Variants in ZMYM5 observed in about 807,000 individuals in gnomAD.
The protein encoded by ZMYM5 is zinc finger MYM-type containing 5, also known as zinc finger MYM-type protein 5.
Under a neutral mutation model 61.8 loss-of-function variants are expected in ZMYM5, and 41 were observed. The observed-to-expected ratio is 0.66, with a 90% CI of 0.52 to 0.86. The LOEUF is 0.86. Among genes scored for constraint, ZMYM5 ranks in the 40% least tolerant of loss-of-function variants. The pLI, the probability that ZMYM5 is intolerant of heterozygous loss-of-function variation, is 0.00. For synonymous variants in ZMYM5, 257 were observed against 276.4 expected (o/e 0.93, Z 0.70); for missense variants, 706 against 786.7 (o/e 0.90, Z 1.23).
At chr13:19,847,757 C>G (rs1953130308) in intron 4 of ZMYM5, among the ~76,000 whole-genome samples, 2 of 148,444 alleles carry the variant, frequency 1.3e-5, no homozygotes, top group Admixed American at 6.7e-5. Context: ...CTGCCTCAGC[C>G]TCCCGAGTAG....
intron 7 of ZMYM5, among the ~76,000 whole-genome samples, chr13:19,830,255 A>T (rs1891135113): frequency 6.6e-6 from 1 of 152,216 alleles, no homozygotes; most frequent in African/African-American, 2.4e-5. Flanking sequence ...CCTTTTCAGA[A>T]GGCTGTCACT....
intron 4 of ZMYM5, among the ~76,000 whole-genome samples, chr13:19,845,376 G>A (rs1473500347): frequency 1.3e-5 from 2 of 152,142 alleles, no homozygotes; most frequent in Non-Finnish European, 2.9e-5. Context: ...CAAAACCTCT[G>A]GCAATGGCAC....
At chr13:19,838,653 C>T (rs755694192) in intron 5 of ZMYM5, 47 bp downstream of exon 5, 2 of 1,589,126 alleles carry the variant, frequency 1.3e-6, no homozygotes, top group Non-Finnish European at 1.7e-6. Flanking sequence ...CTTATTTATA[C>T]CATTAGTATT....
rs575802728 is a variant in ZMYM5, at chr13:19,847,213, T to C, written c.586+4142A>G. Among the ~76,000 whole-genome samples, 10 of 152,274 alleles carry C rather than the reference T, an allele frequency of 6.6e-5. No individual in the cohort carries two copies. The East Asian group carries it at 1.2e-3, about 18-fold the overall frequency. On this transcript the variant is annotated intron_variant, in intron 4 of 7. Coordinates refer to ENST00000337963, the MANE Select transcript of ZMYM5 (RefSeq NM_001142684.2). The stretch of plus-strand genomic sequence containing the variant: ...ATCCGCCTGCCTTGGCCTCAAAAAG[T>C]GCTGGGATTATAGGCATGAGCCACT...
intron 4 of ZMYM5, among the ~76,000 whole-genome samples, chr13:19,849,976 C>CA (rs566519438): frequency 7.0e-4 from 90 of 128,228 alleles, no homozygotes; most frequent in South Asian, 7.6e-4. Context: ...GACTCTGTCT[C>CA]AAAAAAAAAA....
chr13:19,860,101 CAAAAAAAA>C (rs537760988), intron 2 of ZMYM5, among the ~76,000 whole-genome samples: 3 of 31,324 alleles, frequency 9.6e-5, no homozygotes, highest in Admixed American at 3.9e-4. Flanking sequence ...AAGACTGTCT[CAAAAAAAA>C]AAAAAAAAAA....
rs1296305326 is a variant in ZMYM5 at position 19,851,425 on chromosome 13, A to T, written c.516T>A (p.Phe172Leu). The change falls in exon 4 of 8, where the codon TTT becomes TTA. Residue 172 changes from phenylalanine (F) to leucine (L), a missense_variant. Physicochemically the swap from Phe to Leu is conservative, Grantham distance 22. Around this residue, in one of 2 missense-constraint regions of ZMYM5, gnomAD observed 480 missense variants for 461.7 expected, o/e 1.04. Coordinates refer to ENST00000337963, the MANE Select transcript of ZMYM5 (RefSeq NM_001142684.2). ...CTGCCACATTCATTCTACCAGGGTT[A>T]AAAGGTCTTACTCCAGTCTTGGTCT... ...RSKTKTGVRP[F>L]NPGRMNVAGD... is the part of the protein sequence containing the mutation. 1 of 1,614,026 alleles carries T rather than the reference A, an allele frequency of 6.2e-7. No individual in the cohort carries two copies. The highest frequency in any genetic ancestry group is 8.5e-7 in the Non-Finnish European group (1 of 1,180,016).
rs2138522287 is a variant in ZMYM5, at chr13:19,837,746, T to C, written c.948A>G (p.Thr316=). ...TGTTTTCACAGGGAGACAAACAAGA[T>C]GTACTATAAAATTCTTGGAAGGATT... The part of the protein sequence containing the change: ...SSKSFQEFYS[T]SCLSPCENNW... Residue 316 remains threonine (T), a synonymous_variant, in exon 6 of 8, where the codon ACA becomes ACG. Transcript: ENST00000337963. 6.3e-7 allele frequency: 1 copy of C among 1,587,412 alleles called. No homozygotes were observed. Among genetic ancestry groups the C allele is most frequent in the Middle Eastern group, 1.7e-4 (1 of 5,952 alleles).
rs1952764730 is a variant in ZMYM5 at position 19,838,888 on chromosome 13, G to C, written c.684C>G (p.Phe228Leu). ...SPVALLRKQN[F>L]QPTAQQQLTK... ...TAAGTTGTTGTTGGGCTGTAGGCTG[G>C]AAATTCTGCTTACGAAGTAAGGCCA... Residue 228 changes from phenylalanine to leucine, a missense_variant, in exon 5 of 8, where the codon TTC (phenylalanine) becomes TTG (leucine). Phe to Leu is a conservative substitution (Grantham distance 22). Coordinates refer to ENST00000337963, the MANE Select transcript of ZMYM5 (RefSeq NM_001142684.2). 6.2e-7 allele frequency: 1 copy of C among 1,614,138 alleles called. No homozygotes were observed. Among genetic ancestry groups the C allele is most frequent in the Non-Finnish European group, 8.5e-7 (1 of 1,180,034 alleles).
chr13:19,848,865 C>T lies in ZMYM5; in HGVS notation c.586+2490G>A, dbSNP rs181220166. 3.5e-3 allele frequency among the ~76,000 whole-genome samples: 534 copies of T among 152,100 alleles called. 3 individuals carry two copies. The highest frequency in any genetic ancestry group is 5.0e-3 in the Non-Finnish European group (341 of 67,998). ...TCAGCCTCTTGAATAGCTGGGACTA[C>T]AGGTGCACGCCACTATACCTGGCTA... is the stretch of plus-strand genomic sequence containing the variant. On this transcript the variant is annotated intron_variant, in intron 4 of 7. Coordinates refer to ENST00000337963, the MANE Select transcript of ZMYM5 (RefSeq NM_001142684.2).
At chr13:19,857,465 A>G (rs1953556577) in intron 2 of ZMYM5, among the ~76,000 whole-genome samples, 1 of 152,218 alleles carries the variant, frequency 6.6e-6, no homozygotes, top group African/African-American at 2.4e-5. Flanking sequence ...ACCTATTTAA[A>G]ATCAGATATA....
chr13:19,857,839 G>C (rs1359977418), intron 2 of ZMYM5, among the ~76,000 whole-genome samples: 2 of 151,244 alleles, frequency 1.3e-5, no homozygotes, highest in East Asian at 3.9e-4. Flanking sequence ...GCAATGCAGA[G>C]AGACCCCTCT....
At chr13:19,830,021 G>C (rs1283534484) in intron 7 of ZMYM5, among the ~76,000 whole-genome samples, 3 of 152,094 alleles carry the variant, frequency 2.0e-5, no homozygotes, top group Admixed American at 1.3e-4. Context: ...CACTGCAGAT[G>C]TTTAGCAGCA....
At chr13:19,826,681 G>A (rs1890932103) in intron 7 of ZMYM5, among the ~76,000 whole-genome samples, 1 of 151,728 alleles carries the variant, frequency 6.6e-6, no homozygotes, top group South Asian at 2.1e-4. Flanking sequence ...TTGAACACGG[G>A]AGACAGAGGT....
intron 2 of ZMYM5, among the ~76,000 whole-genome samples, chr13:19,856,477 C>T (rs566479748): frequency 6.6e-6 from 1 of 151,834 alleles, no homozygotes; most frequent in African/African-American, 2.4e-5. Flanking sequence ...CCCACCTCTA[C>T]TAAAAATACA....
At chr13:19,855,340 G>A (rs1165191701) in intron 2 of ZMYM5, among the ~76,000 whole-genome samples, 2 of 151,644 alleles carry the variant, frequency 1.3e-5, no homozygotes, top group Admixed American at 6.6e-5. Context: ...TAGGCTTACT[G>A]CAAGCTCCGC....
At chr13:19,858,246 G>GA (rs1169064475) in intron 2 of ZMYM5, among the ~76,000 whole-genome samples, 1 of 149,692 alleles carries the variant, frequency 6.7e-6, no homozygotes, top group African/African-American at 2.5e-5. Context: ...AAAACAAACA[G>GA]AAAAAACAAC....
intron 2 of ZMYM5, among the ~76,000 whole-genome samples, chr13:19,855,380 A>G (rs1953464227): frequency 6.6e-6 from 1 of 151,740 alleles, no homozygotes; most frequent in African/African-American, 2.4e-5. Flanking sequence ...CTCCTTCCTC[A>G]GCCTCCCAAG....
At chr13:19,841,615 T>C (rs1005413977) in intron 4 of ZMYM5, among the ~76,000 whole-genome samples, 22 of 152,156 alleles carry the variant, frequency 1.4e-4, no homozygotes, top group African/African-American at 5.3e-4. Context: ...GTCAGTATCA[T>C]GGTCAGAAAT....
Sources: allele counts gnomAD v4.1 joint callset (sites outside exome capture counted in the v4.1 genomes callset), GRCh38; gene constraint gnomAD v4.1.1; regional missense constraint gnomAD v4.1.1; transcripts MANE v1.5; gene names NCBI Gene and HGNC (gene_info 2026-07-23, HGNC 2026-07-21).